The following SATB2 variants were observed in gnomAD, a reference collection of about 807,000 sequenced individuals.
The protein encoded by SATB2 is SATB homeobox 2, also known as DNA-binding protein SATB2.
A neutral mutation model predicts 73.4 loss-of-function variants in SATB2; 1 was observed. The observed-to-expected ratio is 0.01, with a 90% CI of 0.00 to 0.06. The LOEUF is 0.06. Among genes scored for constraint, SATB2 ranks in the 10% least tolerant of loss-of-function variants. SATB2 has a pLI of 1.00. For missense variants in SATB2, 459 were observed against 945.8 expected, an observed-to-expected ratio of 0.49 and a Z score of 6.75; for synonymous variants, 397 against 367.0, an observed-to-expected ratio of 1.08 and a Z score of -0.93.
chr2:199,459,314 C>T (rs1316864393), upstream of SATB2, among the ~76,000 whole-genome samples: 2 of 151,992 alleles, frequency 1.3e-5, no homozygotes, highest in South Asian at 4.1e-4. This position sits in a 1 kb window ranked among gnomAD's most constrained non-coding sequence, Gnocchi z 4.2. Flanking sequence ...AAACTTTTGC[C>T]GACTCCCGCG....
chr2:199,366,893 T>G (rs1394986204), intron 6 of SATB2, among the ~76,000 whole-genome samples: 1 of 134,524 alleles, frequency 7.4e-6, no homozygotes, highest in African/African-American at 2.6e-5. Context: ...TGAGTGTTAA[T>G]GTGCGAATGC....
At chr2:199,351,429 T>C (rs747478097) in intron 6 of SATB2, among the ~76,000 whole-genome samples, 10 of 152,164 alleles carry the variant, frequency 6.6e-5, no homozygotes, top group Non-Finnish European at 1.2e-4. Context: ...TCACCAGCCA[T>C]TGCACCCAGC....
chr2:199,449,830 G>A (rs1220218494), intron 2 of SATB2, among the ~76,000 whole-genome samples: 1 of 152,108 alleles, frequency 6.6e-6, no homozygotes, highest in Non-Finnish European at 1.5e-5. Flanking sequence ...ATTAATGCTG[G>A]AGAGCAGTGT....
At chr2:199,459,701 C>T (rs1574650379), upstream of SATB2, 1 of 152,926 alleles carries the variant, frequency 6.5e-6, no homozygotes, top group South Asian at 2.1e-4. The surrounding 1 kb of genome is among the most constrained non-coding windows in gnomAD (Gnocchi z 4.2). Flanking sequence ...CCTTAAGAAG[C>T]GTTGACTGTA....
intron 3 of SATB2, among the ~76,000 whole-genome samples, chr2:199,395,578 A>C (rs1352198004): frequency 1.3e-5 from 2 of 152,208 alleles, no homozygotes; most frequent in East Asian, 3.9e-4. Context: ...CACTCAAAAA[A>C]AAATGCTTGT....
intron 3 of SATB2, among the ~76,000 whole-genome samples, chr2:199,429,380 A>G (rs1455132194): frequency 1.3e-5 from 2 of 152,202 alleles, no homozygotes; most frequent in Non-Finnish European, 1.5e-5. Context: ...ATATATGTGG[A>G]ATTTTATATC....
At chr2:199,363,952 A>C (rs530781563) in intron 6 of SATB2, among the ~76,000 whole-genome samples, 1 of 152,318 alleles carries the variant, frequency 6.6e-6, no homozygotes, top group South Asian at 2.1e-4. Context: ...CATGACAGAA[A>C]AATTAGGTAG....
chr2:199,322,843 C>A (rs984166902), intron 9 of SATB2, among the ~76,000 whole-genome samples: 1 of 152,064 alleles, frequency 6.6e-6, no homozygotes, highest in Non-Finnish European at 1.5e-5. Flanking sequence ...TTATAGCACA[C>A]AACAGAAGAT....
At chr2:199,458,603 C>A (rs1360644227), upstream of SATB2, 1 of 432,574 alleles carries the variant, frequency 2.3e-6, no homozygotes, top group Admixed American at 2.5e-5. Flanking sequence ...GGCGCGGAGG[C>A]GGCGGCGACA....
chr2:199,469,091 A>C (rs992050640), upstream of SATB2, among the ~76,000 whole-genome samples: 5 of 152,272 alleles, frequency 3.3e-5, no homozygotes, highest in Admixed American at 2.0e-4. Context: ...GAAAGGGCCC[A>C]CATCTCGAGT....
intron 7 of SATB2, among the ~76,000 whole-genome samples, chr2:199,340,586 G>A (rs1193571074): frequency 6.6e-6 from 1 of 152,168 alleles, no homozygotes; most frequent in African/African-American, 2.4e-5. Flanking sequence ...GGCATGATGT[G>A]CTAGAGGCAG....
chr2:199,354,740 G>C (rs1688921790), intron 6 of SATB2, among the ~76,000 whole-genome samples: 1 of 152,136 alleles, frequency 6.6e-6, no homozygotes, highest in South Asian at 2.1e-4. Flanking sequence ...CAAGTTTCCT[G>C]GGACTGAGTG....
intron 3 of SATB2, among the ~76,000 whole-genome samples, chr2:199,394,478 T>C (rs1053152846): frequency 1.3e-5 from 2 of 152,102 alleles, no homozygotes; most frequent in Non-Finnish European, 2.9e-5. Context: ...ATACTGTAGA[T>C]TTCTATTACA....
Position 199,415,911 on chromosome 2 carries a change from G to A in SATB2, c.346+17427C>T, listed in dbSNP as rs1271466418. Among the ~76,000 whole-genome samples the A allele has an allele frequency of 2.0e-5, 3 of 152,214 alleles. No homozygotes were observed. In the East Asian group the frequency reaches 5.8e-4, roughly 29 times the overall value. On this transcript the variant is annotated intron_variant, in intron 3 of 10. Transcript: ENST00000417098. The stretch of plus-strand genomic sequence containing the variant: ...CCATGTGAGCTGTCCTTCTCTGTAA[G>A]GTTGTCCTCAGCCCCACCAAGCCTG...
upstream of SATB2, among the ~76,000 whole-genome samples, chr2:199,469,085 G>A (rs1175407207): frequency 6.6e-6 from 1 of 152,296 alleles, no homozygotes; most frequent in South Asian, 2.1e-4. Flanking sequence ...AGGCGAGAAA[G>A]GGCCCACATC....
chr2:199,342,425 C>CT (rs1041520365), intron 7 of SATB2, among the ~76,000 whole-genome samples: 5 of 132,914 alleles, frequency 3.8e-5, no homozygotes, highest in African/African-American at 8.4e-5. Context: ...AAAAGACTAG[C>CT]TAAAAAAAAA....
At chr2:199,328,936 A>G (rs372592708) in intron 7 of SATB2, 26 bp from the exon 8 acceptor site, 78 of 1,571,220 alleles carry the variant, frequency 5.0e-5, no homozygotes, top group Non-Finnish European at 6.5e-5. Context: ...AAAAAAACAG[A>G]CCAAGTCACA....
chr2:199,361,589 C>G (rs915309688), intron 6 of SATB2, among the ~76,000 whole-genome samples: 1 of 150,920 alleles, frequency 6.6e-6, no homozygotes, highest in Non-Finnish European at 1.5e-5. Flanking sequence ...GGGAATCATT[C>G]GTAAAACCTC....
chr2:199,463,914 G>T lies in SATB2; in HGVS notation c.-141+922C>A, dbSNP rs1248499821. On this transcript the variant is annotated intron_variant, in intron 1 of 11. Transcript: ENST00000260926. This position sits in a 1 kb window ranked among gnomAD's most constrained non-coding sequence, Gnocchi z 6.4. ...AGCTCAGGCAGCCGGGTGCAAGGGG[G>T]CCCAAACCGCAGTTGCCTCCCGAAC... Among the ~76,000 whole-genome samples the T allele has an allele frequency of 6.6e-6, 1 of 152,174 alleles. No individual in the cohort carries two copies.
Sources: gnomAD v4.1 joint callset for allele counts (sites outside exome capture counted in the v4.1 genomes callset) on GRCh38, gnomAD v4.1.1 for gene constraint, Gnocchi (gnomAD v3.1) non-coding constraint, MANE v1.5 for transcripts, NCBI Gene and HGNC (gene_info 2026-07-23, HGNC 2026-07-21) for gene names.